Variants in CAMK2B observed in about 807,000 individuals in gnomAD.
CAMK2B encodes the protein calcium/calmodulin dependent protein kinase II beta.
Under a neutral mutation model 93.7 loss-of-function variants are expected in CAMK2B, and 27 were observed. That is an observed-to-expected ratio of 0.29 (90% CI 0.21 to 0.40). The LOEUF (loss-of-function observed/expected upper bound fraction) is 0.40. Among genes scored for constraint, CAMK2B ranks in the 10% least tolerant of loss-of-function variants. CAMK2B has a pLI of 1.00. For missense variants in CAMK2B, 568 were observed against 895.8 expected, an observed-to-expected ratio of 0.63 and a Z score of 4.67; for synonymous variants, 374 against 358.8, an observed-to-expected ratio of 1.04 and a Z score of -0.48.
intron 6 of CAMK2B, among the ~76,000 whole-genome samples, chr7:44,245,430 G>T (rs2096720500): frequency 1.3e-5 from 2 of 152,226 alleles, no homozygotes; most frequent in African/African-American, 4.8e-5. Context: ...GGTTGAGACA[G>T]CAAGAATTCT....
chr7:44,256,642 A>C (rs1453264741), intron 4 of CAMK2B, among the ~76,000 whole-genome samples: 2 of 152,260 alleles, frequency 1.3e-5, no homozygotes, highest in Admixed American at 6.5e-5. Flanking sequence ...CTTGGCACAC[A>C]CTGAACACAG....
intron 4 of CAMK2B, among the ~76,000 whole-genome samples, chr7:44,255,022 GAC>G (rs2096822715): frequency 6.6e-6 from 1 of 151,916 alleles, no homozygotes; most frequent in Non-Finnish European, 1.5e-5. Context: ...CAGGCCTTGT[GAC>G]TCAAATTCCA....
chr7:44,285,184 G>A (rs901748747), intron 1 of CAMK2B, among the ~76,000 whole-genome samples: 6 of 152,218 alleles, frequency 3.9e-5, no homozygotes, highest in African/African-American at 1.2e-4. Flanking sequence ...AGGAGGCCCC[G>A]CAGAATCTGA....
chr7:44,259,948 G>T (rs1462414614), intron 3 of CAMK2B, among the ~76,000 whole-genome samples: 1 of 152,122 alleles, frequency 6.6e-6, no homozygotes, highest in African/African-American at 2.4e-5. Flanking sequence ...AGCACAGGGA[G>T]GTTAGGTAAG....
intron 1 of CAMK2B, among the ~76,000 whole-genome samples, chr7:44,321,513 C>T (rs1463610853): frequency 1.3e-5 from 2 of 152,174 alleles, no homozygotes; most frequent in Admixed American, 6.5e-5. Context: ...TCCTGAACTT[C>T]GGTTCTTTGT....
rs556397526 is a variant in CAMK2B, at chr7:44,317,248, G to GAAAA, written c.65+8105_65+8108dup. ...ATCCTTAAAAGAAACCAGGAAAAATGAAAAAAAAAAAAAAAAGCATGGTGA... is the reference window on the plus strand; with the variant it reads ...ATCCTTAAAAGAAACCAGGAAAAATGAAAAAAAAAAAAAAAAAAAAGCATGGTGA... On this transcript the variant is annotated intron_variant, in intron 1 of 23. Transcript: ENST00000395749. 4.0e-3 allele frequency among the ~76,000 whole-genome samples: 422 copies of GAAAA among 105,136 alleles called. 2 individuals carry two copies. The highest frequency in any genetic ancestry group is 5.4e-3 in the Non-Finnish European group (271 of 50,004). The allele number at this position is 105,136 out of a possible 152,430, so 69.0% of individuals were successfully genotyped here. A position where few individuals can be genotyped will look rare whatever the true frequency, so the allele number is the denominator to read the frequency against.
At chr7:44,261,617 G>C (rs2096879851) in intron 3 of CAMK2B, among the ~76,000 whole-genome samples, 1 of 152,156 alleles carries the variant, frequency 6.6e-6, no homozygotes, top group African/African-American at 2.4e-5. Flanking sequence ...TCTGTGTGGG[G>C]AGTCTGGGCC....
intron 3 of CAMK2B, among the ~76,000 whole-genome samples, chr7:44,262,473 G>C (rs1265345742): frequency 6.6e-6 from 1 of 152,254 alleles, no homozygotes; most frequent in Admixed American, 6.5e-5. Context: ...ACAGTCAGGG[G>C]CTCTCAGCCC....
At position 44,243,460 on chromosome 7, in the gene CAMK2B, G is replaced by C; in HGVS notation, c.482C>G (p.Ala161Gly). 2 of 1,614,074 alleles carry C rather than the reference G, an allele frequency of 1.2e-6. No homozygotes were observed. The highest frequency in any genetic ancestry group is 1.7e-6 in the Non-Finnish European group (2 of 1,180,008). Reference sequence around the variant, plus strand: ...CTGCTGGTCCCCCTGCACCTCGATAGCTAGGCCGAAGTCTGCCAGCTTCAC... The same window carrying C: ...CTGCTGGTCCCCCTGCACCTCGATACCTAGGCCGAAGTCTGCCAGCTTCAC... ...AAVKLADFGLAIEVQGDQQAW... is the reference protein window; with the variant it reads ...AAVKLADFGLGIEVQGDQQAW... The change falls in exon 7 of 24, where the codon GCT (alanine) becomes GGT (glycine). Residue 161 changes from alanine to glycine, a missense_variant. By Grantham distance (60) the Ala-to-Gly change is moderately conservative. Around this residue, in one of 4 missense-constraint regions of CAMK2B, gnomAD observed 105 missense variants for 372.4 expected, o/e 0.28. Coordinates refer to ENST00000395749, the MANE Select transcript of CAMK2B (RefSeq NM_001220.5).
Position 44,325,457 on chromosome 7 carries a change from C to T in CAMK2B, c.-36G>A. The T allele has an allele frequency of 1.2e-5, 13 of 1,051,050 alleles. No individual in the cohort carries two copies. Among genetic ancestry groups the T allele is most frequent in the Non-Finnish European group, 1.5e-5 (13 of 862,830 alleles). 65.1% of individuals were successfully genotyped at this position (1,051,050 alleles called of 1,614,324 possible). A position where few individuals can be genotyped will look rare whatever the true frequency, so the allele number is the denominator to read the frequency against. On this transcript the variant is annotated 5_prime_UTR_variant, in exon 1 of 24. Coordinates refer to ENST00000395749, the MANE Select transcript of CAMK2B (RefSeq NM_001220.5). ...GACGGGCTCGGCGTGCGCTCGGCTG[C>T]GCTCGGGCGGCGGCGACTCCGGCTC...
At chr7:44,233,986 C>A (rs1475327646) in intron 15 of CAMK2B, among the ~76,000 whole-genome samples, 1 of 152,224 alleles carries the variant, frequency 6.6e-6, no homozygotes, top group African/African-American at 2.4e-5. Flanking sequence ...TCGGAGTGGT[C>A]TGTGGGTCGG....
intron 5 of CAMK2B, 97 bp from the exon 6 acceptor site, chr7:44,247,289 G>A (rs758109918): frequency 1.4e-5 from 14 of 976,006 alleles, no homozygotes; most frequent in Admixed American, 5.7e-5. Flanking sequence ...GGCCTGGGGG[G>A]ACCAGGGGGA....
chr7:44,258,841 T>C (rs769766099), intron 4 of CAMK2B, 31 bp downstream of exon 4: 2 of 1,606,292 alleles, frequency 1.2e-6, no homozygotes, highest in Admixed American at 1.7e-5. Context: ...TGGGAGTGAG[T>C]GCAGCGAGAG....
chr7:44,239,671 C>T lies in CAMK2B; in HGVS notation c.947-8G>A, dbSNP rs1445615684. The T allele has an allele frequency of 1.3e-6, 2 of 1,547,624 alleles. No individual in the cohort carries two copies. Among genetic ancestry groups the T allele is most frequent in the East Asian group, 4.9e-5 (2 of 40,836 alleles). On this transcript the variant is annotated splice_polypyrimidine_tract_variant and splice_region_variant and intron_variant, in intron 12 of 23. Transcript: ENST00000395749. ...CGGTGGTCTGTCTGCCCACTGTTAGCACCGGGTTAGAGACGAGGGGAAGGG... is the reference window on the plus strand; with the variant it reads ...CGGTGGTCTGTCTGCCCACTGTTAGTACCGGGTTAGAGACGAGGGGAAGGG...
In CAMK2B at chr7:44,242,647, G is replaced by T; in HGVS notation, c.609C>A (p.Ile203=). 6.2e-7 allele frequency: 1 copy of T among 1,610,180 alleles called. No individual in the cohort carries two copies. Among genetic ancestry groups the T allele is most frequent in the South Asian group, 1.1e-5 (1 of 90,670 alleles). The change falls in exon 9 of 24, where the codon ATC becomes ATA. Residue 203 remains isoleucine, a synonymous_variant. Transcript: ENST00000395749. ...GGTAGCCCACGAGCAGGATGTACAGGATCACCCCTGCGGATGGGGCCTGTG... is the reference window on the plus strand; with the variant it reads ...GGTAGCCCACGAGCAGGATGTACAGTATCACCCCTGCGGATGGGGCCTGTG... ...KPVDIWACGV[I]LYILLVGYPP...
At chr7:44,272,203 C>A (rs1394798458) in intron 2 of CAMK2B, among the ~76,000 whole-genome samples, 1 of 152,140 alleles carries the variant, frequency 6.6e-6, no homozygotes, top group Admixed American at 6.5e-5. Context: ...GCAGCGAGGA[C>A]TTGGGGAGCC....
At chr7:44,290,939 T>G (rs2129139023) in intron 1 of CAMK2B, among the ~76,000 whole-genome samples, 1 of 152,320 alleles carries the variant, frequency 6.6e-6, no homozygotes, top group Middle Eastern at 3.4e-3. Context: ...GCGTTGACGT[T>G]GCCTCCATAA....
At chr7:44,220,937 T>C (rs376743079) in intron 20 of CAMK2B, 36 bp from the exon 21 acceptor site, 119 of 1,534,394 alleles carry the variant, frequency 7.8e-5, no homozygotes, top group Non-Finnish European at 1.0e-4. Flanking sequence ...CACTGGGCGC[T>C]GGCCCATTCC....
chr7:44,273,898 G>A (rs1042383831), intron 2 of CAMK2B, among the ~76,000 whole-genome samples: 3 of 152,118 alleles, frequency 2.0e-5, no homozygotes, highest in Non-Finnish European at 4.4e-5. Context: ...AGGGAGCACA[G>A]CCCGAGGCCA....
Sources: allele counts gnomAD v4.1 joint callset (sites outside exome capture counted in the v4.1 genomes callset), GRCh38; gene constraint gnomAD v4.1.1; regional missense constraint gnomAD v4.1.1; transcripts MANE v1.5; gene names NCBI Gene and HGNC (gene_info 2026-07-23, HGNC 2026-07-21).